CCDC88C: variants seen among roughly 807,000 people sequenced by gnomAD.
The protein encoded by CCDC88C is coiled-coil and HOOK domain protein 88C, also known as protein Daple.
CCDC88C carries 131 observed loss-of-function variants against 198.8 expected under a neutral mutation model. The observed-to-expected ratio is 0.66, with a 90% CI of 0.57 to 0.76. The LOEUF (loss-of-function observed/expected upper bound fraction) is 0.76, where lower values mean the gene tolerates loss of function less well. Among genes scored for constraint, CCDC88C ranks in the 30% least tolerant of loss-of-function variants. CCDC88C has a pLI of 0.00. For missense variants in CCDC88C, 2,553 were observed against 2,631.6 expected (o/e 0.97, Z 0.65); for synonymous variants, 1,166 against 1,114.7 (o/e 1.05, Z -0.92).
chr14:91,288,507 A>C lies in CCDC88C; in HGVS notation c.4441+598T>G, dbSNP rs188928881. ...AAATCTGGCACATACGAGGCAGCCC[A>C]AAATAAGCTATGTCGCTTGTCTCTA... On this transcript the variant is annotated intron_variant, in intron 25 of 29. Transcript: ENST00000389857. This position sits in a 1 kb window ranked among gnomAD's most constrained non-coding sequence, Gnocchi z 4.2. Among the ~76,000 whole-genome samples the C allele has an allele frequency of 1.8e-3, 278 of 152,344 alleles. 1 individual carries two copies. Among genetic ancestry groups the C allele is most frequent in the African/African-American group, 6.4e-3 (267 of 41,582 alleles).
chr14:91,347,551 G>C (rs1470364882), intron 4 of CCDC88C, among the ~76,000 whole-genome samples: 1 of 152,070 alleles, frequency 6.6e-6, no homozygotes, highest in East Asian at 1.9e-4. Flanking sequence ...CTCAAAAGAA[G>C]ACATTTATGC....
At chr14:91,366,153 T>TACACAC (rs57281083) in intron 3 of CCDC88C, among the ~76,000 whole-genome samples, 5,439 of 136,384 alleles carry the variant, frequency 0.04, 160 homozygotes, top group Non-Finnish European at 0.056. Context: ...ACTTAAAAAA[T>TACACAC]ACACACACAC....
intron 4 of CCDC88C, among the ~76,000 whole-genome samples, chr14:91,348,114 T>C (rs1893630150): frequency 6.6e-6 from 1 of 152,120 alleles, no homozygotes; most frequent in Admixed American, 6.5e-5. Flanking sequence ...CAAGCGATTC[T>C]CCTGCCTCAG....
intron 10 of CCDC88C, among the ~76,000 whole-genome samples, chr14:91,337,204 C>T (rs1017946863): frequency 6.6e-6 from 1 of 152,182 alleles, no homozygotes; most frequent in South Asian, 2.1e-4. Flanking sequence ...AGCCTTGACC[C>T]TTTCACCTAC....
chr14:91,316,122 T>C (rs1055706575), intron 13 of CCDC88C, among the ~76,000 whole-genome samples: 23 of 152,182 alleles, frequency 1.5e-4, no homozygotes, highest in African/African-American at 5.5e-4. Context: ...CCTGCCTCAG[T>C]TGGTGATGTC....
rs1064794398 is a variant in CCDC88C, at chr14:91,303,948, C to T, written c.3388G>A (p.Ala1130Thr). Reference sequence around the variant, plus strand: ...AGCGTGTACTGCGCGGTGAGCGCTGCGCTCTGGGAACTCAGCGTGGAGTTC... The same window carrying T: ...AGCGTGTACTGCGCGGTGAGCGCTGTGCTCTGGGAACTCAGCGTGGAGTTC... ...VENSTLSSQSAALTAQYTLLQ... is the reference protein window; with the variant it reads ...VENSTLSSQSTALTAQYTLLQ... Residue 1130 changes from alanine to threonine, a missense_variant, in exon 20 of 30, where the codon GCA (alanine) becomes ACA (threonine). By Grantham distance (58) the Ala-to-Thr change is moderately conservative (BLOSUM62 0). Around this residue, in one of 2 missense-constraint regions of CCDC88C, gnomAD observed 1,293 missense variants for 1,219.6 expected, o/e 1.06. Transcript: ENST00000389857. The T allele has an allele frequency of 2.5e-6, 4 of 1,607,560 alleles. No homozygotes were observed. The South Asian group carries it at 4.4e-5, about 18-fold the overall frequency.
chr14:91,379,848 G>C, intron 3 of CCDC88C: 1 of 703,032 alleles, frequency 1.4e-6, no homozygotes, highest in Non-Finnish European at 2.6e-6. Context: ...CGCTGTGTCT[G>C]CCCGCAAGAA....
At chr14:91,294,450 T>C in intron 22 of CCDC88C, 132 bp from the exon 23 acceptor site, 1 of 1,074,570 alleles carries the variant, frequency 9.3e-7, no homozygotes, top group Non-Finnish European at 1.3e-6. Context: ...CAGTGGAAAC[T>C]TGGAAAGGGC....
Position 91,391,241 on chromosome 14 carries a change from T to A in CCDC88C, c.270+17418A>T, listed in dbSNP as rs77149817. 4.2e-3 allele frequency among the ~76,000 whole-genome samples: 597 copies of A among 143,624 alleles called. 18 individuals carry two copies. The East Asian group carries it at 0.085, about 21-fold the overall frequency. 94.2% of individuals were successfully genotyped at this position (143,624 alleles called of 152,430 possible). ...CTCACAGTACAAACTCTCTTCCTGC[T>A]AAAAACAAAACAAAACAAAAAAAAA... On this transcript the variant is annotated intron_variant, in intron 3 of 29. Transcript: ENST00000389857.
chr14:91,273,082 CG>C lies in CCDC88C; in HGVS notation c.5629del (p.Arg1877AlafsTer188). 1.3e-6 allele frequency: 2 copies of C among 1,560,656 alleles called. No individual in the cohort carries two copies. Among genetic ancestry groups the C allele is most frequent in the Admixed American group, 1.9e-5 (1 of 53,050 alleles). On this transcript the variant is annotated frameshift_variant, in exon 30 of 30. Transcript: ENST00000389857. LOFTEE classifies it low-confidence loss of function (END_TRUNC). The surrounding 1 kb of genome is among the most constrained non-coding windows in gnomAD (Gnocchi z 5.6). ...AGSSCQGPGPRSRPLDTRRFS... is the reference protein window; with the variant it reads ...AGSSCQGPGPXSRPLDTRRFS... The stretch of plus-strand genomic sequence containing the variant: ...GCGCCTCGTGTCCAGCGGCCGGCTG[CG>C]GGGACCTGGGCCCTGACAGGAGCTG...
chr14:91,364,618 G>A lies in CCDC88C; in HGVS notation c.271-4907C>T, dbSNP rs542896494. On this transcript the variant is annotated intron_variant, in intron 3 of 29. Coordinates refer to ENST00000389857, the MANE Select transcript of CCDC88C (RefSeq NM_001080414.4). ...GGCTCTTATCAGTCACCCCAAGGGG[G>A]AGGGTTGGGGTGGGCCAGGACCCCC... Among the ~76,000 whole-genome samples, 224 of 152,240 alleles carry A rather than the reference G, an allele frequency of 1.5e-3. 1 individual carries two copies. Among genetic ancestry groups the A allele is most frequent in the African/African-American group, 5.2e-3 (215 of 41,534 alleles).
chr14:91,409,100 C>G (rs926262150), intron 2 of CCDC88C, among the ~76,000 whole-genome samples: 7 of 151,850 alleles, frequency 4.6e-5, no homozygotes, highest in Non-Finnish European at 1.0e-4. Flanking sequence ...CCAACCCAGC[C>G]AAATATATTT....
At chr14:91,293,517 C>CA (rs1419957549) in intron 23 of CCDC88C, among the ~76,000 whole-genome samples, 1,439 of 131,092 alleles carry the variant, frequency 0.011, 251 homozygotes, top group Non-Finnish European at 0.013. Context: ...GGCCTACCTT[C>CA]CTGTCCCCTC....
intron 3 of CCDC88C, among the ~76,000 whole-genome samples, chr14:91,402,941 C>T (rs892208357): frequency 6.6e-6 from 1 of 152,148 alleles, no homozygotes; most frequent in Non-Finnish European, 1.5e-5. Context: ...TGCTAGAGGC[C>T]AGAAGTCAGA....
In CCDC88C at chr14:91,313,772, G is replaced by A; in HGVS notation, c.2044C>T (p.Leu682=). Residue 682 remains leucine (L), a synonymous_variant, in exon 15 of 30, where the codon CTG becomes TTG. Transcript: ENST00000389857. This position sits in a 1 kb window ranked among gnomAD's most constrained non-coding sequence, Gnocchi z 5.2. ...QLENRTLRKS[L]DTLQNVSLQL... ...AGGGACACGTTCTGCAAGGTGTCCAGAGACTTCCTCAGAGTCCGGTTCTCC... is the reference window on the plus strand; with the variant it reads ...AGGGACACGTTCTGCAAGGTGTCCAAAGACTTCCTCAGAGTCCGGTTCTCC... The A allele has an allele frequency of 1.9e-6, 3 of 1,607,352 alleles. No homozygotes were observed. The highest frequency in any genetic ancestry group is 2.5e-6 in the Non-Finnish European group (3 of 1,179,582).
intron 12 of CCDC88C, among the ~76,000 whole-genome samples, chr14:91,322,079 T>G (rs943664239): frequency 6.6e-6 from 1 of 151,666 alleles, no homozygotes; most frequent in Non-Finnish European, 1.5e-5. Flanking sequence ...AAAAAAAAGG[T>G]ATGCAAAAGC....
rs1182006656 is a variant in CCDC88C, at chr14:91,392,747, A to ACGCCCCTCACTCTCACCG, written c.270+15894_270+15911dup. Among the ~76,000 whole-genome samples the ACGCCCCTCACTCTCACCG allele has an allele frequency of 8.6e-3, 1,268 of 147,564 alleles. 25 individuals are homozygous for ACGCCCCTCACTCTCACCG. Among genetic ancestry groups the ACGCCCCTCACTCTCACCG allele is most frequent in the African/African-American group, 0.031 (1,210 of 39,180 alleles). Reference sequence around the variant, plus strand: ...CTCACTGAGCCCCCTCACTCTCACCACGCCCCTCACTCTCACCGCGCCCCT... The same window carrying ACGCCCCTCACTCTCACCG: ...CTCACTGAGCCCCCTCACTCTCACCACGCCCCTCACTCTCACCGCGCCCCTCACTCTCACCGCGCCCCT... On this transcript the variant is annotated intron_variant, in intron 3 of 29. Coordinates refer to ENST00000389857, the MANE Select transcript of CCDC88C (RefSeq NM_001080414.4).
chr14:91,402,465 C>T (rs1886261087), intron 3 of CCDC88C, among the ~76,000 whole-genome samples: 1 of 152,168 alleles, frequency 6.6e-6, no homozygotes, highest in Admixed American at 6.5e-5. Flanking sequence ...CAGTGTGCTG[C>T]CGTTTATGGA....
intron 20 of CCDC88C, among the ~76,000 whole-genome samples, chr14:91,300,491 T>G (rs186480860): frequency 2.6e-5 from 4 of 152,322 alleles, no homozygotes; most frequent in Admixed American, 6.5e-5. Context: ...GGAATTCCGC[T>G]GCACATCACA....
Sources: allele counts gnomAD v4.1 joint callset (sites outside exome capture counted in the v4.1 genomes callset), GRCh38; gene constraint gnomAD v4.1.1; regional missense constraint gnomAD v4.1.1; non-coding constraint Gnocchi (gnomAD v3.1); transcripts MANE v1.5; gene names NCBI Gene and HGNC (gene_info 2026-07-23, HGNC 2026-07-21).